Variants in WWOX observed in about 807,000 individuals in gnomAD.
WWOX encodes WW domain-containing oxidoreductase.
WWOX carries 69 observed loss-of-function variants against 46.2 expected under a neutral mutation model. The observed-to-expected ratio is 1.49, with a 90% CI of 1.23 to 1.82. The LOEUF (loss-of-function observed/expected upper bound fraction) is 1.82, where lower values mean the gene tolerates loss of function less well. WWOX is among the 40% of genes most tolerant of loss of function. The pLI, the probability that WWOX is intolerant of heterozygous loss-of-function variation, is 0.00. For missense variants in WWOX, 919 were observed against 542.6 expected (o/e 1.69, Z -6.89); for synonymous variants, 359 against 202.6 (o/e 1.77, Z -6.56).
intron 8 of WWOX, among the ~76,000 whole-genome samples, chr16:79,060,680 C>T (rs994278290): frequency 6.6e-6 from 1 of 152,176 alleles, no homozygotes; most frequent in African/African-American, 2.4e-5. Flanking sequence ...ACGAGCGGAG[C>T]TACAATTTTT....
chr16:78,645,734 C>T (rs60624620), intron 8 of WWOX, among the ~76,000 whole-genome samples: 7 of 152,232 alleles, frequency 4.6e-5, no homozygotes, highest in Middle Eastern at 3.4e-3. Flanking sequence ...TCATCAGCCA[C>T]GGCCTCCAAC....
At chr16:78,965,013 T>C (rs934665902) in intron 8 of WWOX, among the ~76,000 whole-genome samples, 8 of 152,172 alleles carry the variant, frequency 5.3e-5, no homozygotes, top group Non-Finnish European at 8.8e-5. Flanking sequence ...AGAAAATATA[T>C]GGAAACACCT....
At chr16:78,140,623 C>T (rs1361169972) in intron 4 of WWOX, among the ~76,000 whole-genome samples, 5 of 152,144 alleles carry the variant, frequency 3.3e-5, no homozygotes, top group African/African-American at 1.2e-4. Flanking sequence ...CTCCCTGTAT[C>T]TTTTCACATC....
At chr16:78,789,412 T>C (rs2050538924) in intron 8 of WWOX, among the ~76,000 whole-genome samples, 1 of 152,198 alleles carries the variant, frequency 6.6e-6, no homozygotes, top group South Asian at 2.1e-4. Context: ...GATAATTCTT[T>C]CTCTATTAAA....
intron 8 of WWOX, among the ~76,000 whole-genome samples, chr16:78,699,493 C>T (rs1232235166): frequency 6.6e-6 from 1 of 152,106 alleles, no homozygotes; most frequent in African/African-American, 2.4e-5. Flanking sequence ...GAGCTGAGAT[C>T]GTGCCACTGT....
chr16:78,867,856 A>G (rs2044040460), intron 8 of WWOX, among the ~76,000 whole-genome samples: 1 of 152,182 alleles, frequency 6.6e-6, no homozygotes, highest in Admixed American at 6.5e-5. Context: ...CATGCCTACT[A>G]GCTTAGCTCT....
chr16:78,874,310 G>A (rs575694755), intron 8 of WWOX, among the ~76,000 whole-genome samples: 109 of 151,882 alleles, frequency 7.2e-4, no homozygotes, highest in African/African-American at 2.6e-3. Context: ...GCCCTGAGTT[G>A]GGGAGTTGAA....
chr16:78,466,860 A>G (rs2084090808), intron 8 of WWOX, among the ~76,000 whole-genome samples: 1 of 150,096 alleles, frequency 6.7e-6, no homozygotes, highest in Non-Finnish European at 1.5e-5. Context: ...AAAAAAAAGC[A>G]CAAAAAATTT....
chr16:78,630,517 C>G (rs191077545), intron 8 of WWOX, among the ~76,000 whole-genome samples: 299 of 152,294 alleles, frequency 2.0e-3, no homozygotes, highest in Non-Finnish European at 3.6e-3. Flanking sequence ...ATACATTTCT[C>G]TGGTAGACAA....
intron 8 of WWOX, among the ~76,000 whole-genome samples, chr16:78,538,248 C>CGG (rs967967750): frequency 3.2e-5 from 4 of 126,232 alleles, no homozygotes; most frequent in African/African-American, 1.3e-4. Context: ...AAAAAAAAAG[C>CGG]GGGGCAAGGG....
intron 6 of WWOX, among the ~76,000 whole-genome samples, chr16:78,403,926 C>T (rs2082469163): frequency 6.6e-6 from 1 of 152,106 alleles, no homozygotes; most frequent in Non-Finnish European, 1.5e-5. Flanking sequence ...GCTCTGTGGA[C>T]CACAGAGCAG....
chr16:79,146,128 T>C (rs1419932523), intron 8 of WWOX, among the ~76,000 whole-genome samples: 7 of 152,220 alleles, frequency 4.6e-5, no homozygotes, highest in African/African-American at 1.4e-4. Flanking sequence ...AACTTGCATT[T>C]TTCAAGGAAG....
chr16:78,773,218 T>C (rs558127334), intron 8 of WWOX, among the ~76,000 whole-genome samples: 2 of 152,304 alleles, frequency 1.3e-5, no homozygotes, highest in African/African-American at 4.8e-5. Flanking sequence ...TATATATTTG[T>C]TCTATTAATA....
At chr16:78,458,004 G>A (rs1318217484) in intron 8 of WWOX, among the ~76,000 whole-genome samples, 1 of 151,498 alleles carries the variant, frequency 6.6e-6, no homozygotes, top group Non-Finnish European at 1.5e-5. Flanking sequence ...CTGAACCTGG[G>A]AGGCGGAGGT....
At chr16:79,134,281 G>T (rs1161618290) in intron 8 of WWOX, among the ~76,000 whole-genome samples, 3 of 152,170 alleles carry the variant, frequency 2.0e-5, no homozygotes, top group Non-Finnish European at 4.4e-5. Flanking sequence ...TCTGGGACTG[G>T]TGGCACAGGC....
chr16:78,282,045 G>A (rs2079688253), intron 5 of WWOX, among the ~76,000 whole-genome samples: 1 of 152,282 alleles, frequency 6.6e-6, no homozygotes. Flanking sequence ...AAAGCCACAG[G>A]GAGAACCAGG....
chr16:78,743,030 C>G (rs1441427678), intron 8 of WWOX, among the ~76,000 whole-genome samples: 1 of 142,494 alleles, frequency 7.0e-6, no homozygotes, highest in African/African-American at 3.1e-5. Flanking sequence ...TTACTGCAGC[C>G]GGGAGGTTAG....
In WWOX at chr16:78,893,887, G is replaced by C. The variant is rs117813914; in HGVS notation, c.1057-317721G>C. On this transcript the variant is annotated intron_variant, in intron 8 of 8. Transcript: ENST00000566780. ...GCAAGCTAGAACACAAGATTTTCTA[G>C]ATGCATCTTTTGAGTTGATATGCAA... Among the ~76,000 whole-genome samples the C allele has an allele frequency of 9.4e-3, 1,425 of 152,168 alleles. 9 individuals carry two copies. The highest frequency in any genetic ancestry group is 0.014 in the Admixed American group (212 of 15,270).
intron 8 of WWOX, among the ~76,000 whole-genome samples, chr16:79,031,112 C>T (rs966552049): frequency 7.3e-5 from 11 of 149,852 alleles, no homozygotes; most frequent in African/African-American, 2.2e-4. Flanking sequence ...AAAAAAAATC[C>T]AGTAGGAAAC....
Sources: allele counts gnomAD v4.1 joint callset (sites outside exome capture counted in the v4.1 genomes callset), GRCh38; gene constraint gnomAD v4.1.1; transcripts MANE v1.5; gene names NCBI Gene and HGNC (gene_info 2026-07-23, HGNC 2026-07-21).